The following VRK2 variants were observed in gnomAD, a reference collection of about 807,000 sequenced individuals.
VRK2 encodes the protein serine/threonine-protein kinase VRK2.
VRK2 carries 60 observed loss-of-function variants against 57.6 expected under a neutral mutation model. That is an observed-to-expected ratio of 1.04 (90% CI 0.85 to 1.29). VRK2 has a LOEUF of 1.29. Among genes scored for constraint, VRK2 ranks in the 50% most tolerant of loss-of-function variants. VRK2 has a pLI of 0.00. For missense variants in VRK2, 705 were observed against 588.1 expected (o/e 1.20, Z -2.06); for synonymous variants, 231 against 199.2 (o/e 1.16, Z -1.35).
chr2:58,044,785 A>T (rs1373464128), upstream of VRK2, among the ~76,000 whole-genome samples: 1 of 152,200 alleles, frequency 6.6e-6, no homozygotes, highest in Non-Finnish European at 1.5e-5. Context: ...GTGGTTGAAG[A>T]GAGTAATAGG....
chr2:58,020,280 C>G (rs1036174733), intron 1 of VRK2, among the ~76,000 whole-genome samples: 1 of 152,212 alleles, frequency 6.6e-6, no homozygotes, highest in Non-Finnish European at 1.5e-5. Context: ...GGTGTGATAA[C>G]AGCTCACTGC....
chr2:57,969,788 T>G (rs1672035739), intron 1 of VRK2, among the ~76,000 whole-genome samples: 1 of 152,120 alleles, frequency 6.6e-6, no homozygotes, highest in Non-Finnish European at 1.5e-5. Context: ...TTAAGCAGCT[T>G]AAGAAATCTC....
At chr2:58,049,111 G>T in intron 2 of VRK2, 144 bp downstream of exon 2, 1 of 1,066,178 alleles carries the variant, frequency 9.4e-7, no homozygotes, top group Non-Finnish European at 1.3e-6. Flanking sequence ...AGTAATAATA[G>T]AGTACAGTGT....
intron 2 of VRK2, among the ~76,000 whole-genome samples, chr2:58,053,913 G>A (rs755124448): frequency 1.7e-4 from 26 of 152,098 alleles, no homozygotes; most frequent in Non-Finnish European, 3.1e-4. Context: ...AAACTATAGT[G>A]TTTATGATAA....
chr2:58,136,794 CAT>C (rs1289546482), intron 10 of VRK2, among the ~76,000 whole-genome samples: 13 of 143,298 alleles, frequency 9.1e-5, no homozygotes, highest in South Asian at 4.3e-4. Context: ...GTATATATAT[CAT>C]ATATATGTGT....
At chr2:58,106,126 C>G (rs2104380974) in intron 7 of VRK2, among the ~76,000 whole-genome samples, 1 of 152,002 alleles carries the variant, frequency 6.6e-6, no homozygotes, top group African/African-American at 2.4e-5. Flanking sequence ...TATACACACA[C>G]AGGTTGTGTG....
chr2:58,047,421 A>C (rs1294981951), intron 1 of VRK2: 4 of 985,248 alleles, frequency 4.1e-6, no homozygotes, highest in Non-Finnish European at 4.8e-6. Context: ...ACGGGCCCTG[A>C]GAGGCTGTCG....
At chr2:57,980,018 C>G (rs1261591723) in intron 1 of VRK2, among the ~76,000 whole-genome samples, 3 of 151,972 alleles carry the variant, frequency 2.0e-5, no homozygotes, top group Non-Finnish European at 4.4e-5. Context: ...TTCCATGAAT[C>G]TTTGCATCTC....
intron 1 of VRK2, among the ~76,000 whole-genome samples, chr2:57,997,909 A>C (rs979777348): frequency 3.3e-5 from 5 of 152,134 alleles, no homozygotes; most frequent in Non-Finnish European, 2.9e-5. Context: ...AGAAAAAAAA[A>C]AGAAAAAAAA....
chr2:57,959,212 T>A (rs1477116284), intron 1 of VRK2, among the ~76,000 whole-genome samples: 1 of 152,326 alleles, frequency 6.6e-6, no homozygotes, highest in East Asian at 1.9e-4. Flanking sequence ...AAACTGGATC[T>A]TAAATAGCAC....
At chr2:58,006,880 G>A (rs990187546) in intron 1 of VRK2, among the ~76,000 whole-genome samples, 2 of 152,104 alleles carry the variant, frequency 1.3e-5, no homozygotes, top group Admixed American at 1.3e-4. Context: ...TTGAGTCATA[G>A]AAATGGAGAG....
chr2:58,052,848 G>C (rs1280425613), intron 2 of VRK2, among the ~76,000 whole-genome samples: 1 of 152,116 alleles, frequency 6.6e-6, no homozygotes, highest in Non-Finnish European at 1.5e-5. Context: ...ATCTGCCTCA[G>C]ATATTAAAGC....
intron 1 of VRK2, among the ~76,000 whole-genome samples, chr2:58,011,822 T>C (rs1673426848): frequency 6.6e-6 from 1 of 152,172 alleles, no homozygotes; most frequent in Non-Finnish European, 1.5e-5. Context: ...GAACTAAATA[T>C]CACTCTGTGA....
chr2:57,924,313 A>G (rs1285706123), intron 1 of VRK2, among the ~76,000 whole-genome samples: 1 of 152,106 alleles, frequency 6.6e-6, no homozygotes, highest in Non-Finnish European at 1.5e-5. Flanking sequence ...TGTTTCCACT[A>G]GAATGGACAT....
At chr2:57,998,589 C>T (rs1019942610) in intron 1 of VRK2, among the ~76,000 whole-genome samples, 38 of 152,074 alleles carry the variant, frequency 2.5e-4, no homozygotes, top group Admixed American at 2.2e-3. Context: ...ATAGGAGATT[C>T]TCCTACCAAA....
At chr2:57,983,363 C>T (rs1385730752) in intron 1 of VRK2, among the ~76,000 whole-genome samples, 2 of 152,284 alleles carry the variant, frequency 1.3e-5, no homozygotes, top group Middle Eastern at 6.8e-3. Flanking sequence ...ATTGGGCCCA[C>T]CTGGGTAACC....
At chr2:58,157,024 G>C (rs559151458) in intron 12 of VRK2, among the ~76,000 whole-genome samples, 2 of 152,280 alleles carry the variant, frequency 1.3e-5, no homozygotes, top group African/African-American at 4.8e-5. Flanking sequence ...GACTAAACCT[G>C]ATCATTTTAT....
Position 58,100,941 on chromosome 2 carries a change from TC to T in VRK2, c.543+11220del, listed in dbSNP as rs1029469505. ...AATGCATTTTTTAGGTGAATAGTGTTCCTATTGTCCAAATAAATTCTTAACA... is the reference window on the plus strand; with the variant it reads ...AATGCATTTTTTAGGTGAATAGTGTTCTATTGTCCAAATAAATTCTTAACA... On this transcript the variant is annotated intron_variant, in intron 7 of 12. Transcript: ENST00000340157. 8.4e-4 allele frequency among the ~76,000 whole-genome samples: 127 copies of T among 151,904 alleles called. 1 individual carries two copies. Among genetic ancestry groups the T allele is most frequent in the African/African-American group, 2.8e-3 (118 of 41,542 alleles).
At position 58,041,038 on chromosome 2, in the gene VRK2, C is replaced by T. The variant is rs975359788; in HGVS notation, c.-6+7485C>T. The T allele has an allele frequency of 9.1e-6, 9 of 985,078 alleles. No homozygotes were observed. The African/African-American group carries it at 1.6e-4, about 17-fold the overall frequency. 61.0% of individuals were successfully genotyped at this position (985,078 alleles called of 1,614,324 possible). A position where few individuals can be genotyped will look rare whatever the true frequency, so the allele number is the denominator to read the frequency against. The stretch of plus-strand genomic sequence containing the variant: ...AGCTCCTCTTCTCCTCCTTATCCAG[C>T]TCATGTTTTTGGTTACTGCAGGGAT... On this transcript the variant is annotated intron_variant, in intron 3 of 15. Transcript: ENST00000417641.
Sources: allele counts gnomAD v4.1 joint callset (sites outside exome capture counted in the v4.1 genomes callset), GRCh38; gene constraint gnomAD v4.1.1; transcripts MANE v1.5; gene names NCBI Gene and HGNC (gene_info 2026-07-23, HGNC 2026-07-21).